RIC1: variants seen among roughly 807,000 people sequenced by gnomAD.
RIC1 encodes guanine nucleotide exchange factor subunit RIC1.
RIC1 carries 88 observed loss-of-function variants against 169.0 expected under a neutral mutation model. The observed-to-expected ratio is 0.52, with a 90% CI of 0.44 to 0.62. The LOEUF is 0.62. Among genes scored for constraint, RIC1 ranks in the 20% least tolerant of loss-of-function variants. The probability of loss-of-function intolerance (pLI) is 0.00; values close to 1 mark genes in which losing one functional copy is unlikely to be tolerated. For missense variants in RIC1, 1,877 were observed against 1,725.5 expected, an observed-to-expected ratio of 1.09 and a Z score of -1.56; for synonymous variants, 790 against 601.5, an observed-to-expected ratio of 1.31 and a Z score of -4.59.
intron 15 of RIC1, among the ~76,000 whole-genome samples, chr9:5,755,624 C>G (rs192908748): frequency 6.6e-6 from 1 of 152,084 alleles, no homozygotes; most frequent in Non-Finnish European, 1.5e-5. Context: ...TGTATCAGGT[C>G]TAAATCTGCA....
rs545353574 is a variant in RIC1, at chr9:5,722,093, G to C, written c.720+1343G>C. ...AGTAGAGACGGGGTTTCTCCCTGTT[G>C]GTCAGGCTGGTCTTGACCTACCAAC... is the stretch of plus-strand genomic sequence containing the variant. On this transcript the variant is annotated intron_variant, in intron 6 of 25. Transcript: ENST00000414202. Among the ~76,000 whole-genome samples the C allele has an allele frequency of 4.7e-4, 71 of 151,724 alleles. 1 individual carries two copies. Among genetic ancestry groups the C allele is most frequent in the South Asian group, 2.9e-3 (14 of 4,798 alleles).
At chr9:5,745,223 G>A (rs1395783708) in intron 10 of RIC1, among the ~76,000 whole-genome samples, 1 of 152,104 alleles carries the variant, frequency 6.6e-6, no homozygotes, top group Non-Finnish European at 1.5e-5. Flanking sequence ...AAACATAAAA[G>A]TTCTATTAAA....
intron 2 of RIC1, among the ~76,000 whole-genome samples, chr9:5,672,462 G>T (rs1186749471): frequency 6.6e-6 from 1 of 152,156 alleles, no homozygotes; most frequent in Non-Finnish European, 1.5e-5. Flanking sequence ...CAGATGAACT[G>T]ATAAATAACC....
At position 5,751,129 on chromosome 9, in the gene RIC1, C is replaced by T. The variant is rs373076444; in HGVS notation, c.1453-2071C>T. Among the ~76,000 whole-genome samples, 239 of 151,722 alleles carry T rather than the reference C, an allele frequency of 1.6e-3. 8 individuals are homozygous for T. Among genetic ancestry groups the T allele is most frequent in the African/African-American group, 5.6e-3 (229 of 41,086 alleles). On this transcript the variant is annotated intron_variant, in intron 12 of 25. Transcript: ENST00000414202. ...AGTAAGATCCCAGCTCCTCCATTAC[C>T]CACCCACACGTTTCATAAGTACTCA...
intron 6 of RIC1, among the ~76,000 whole-genome samples, chr9:5,723,007 C>T (rs1486191263): frequency 2.0e-5 from 3 of 152,218 alleles, no homozygotes; most frequent in Non-Finnish European, 4.4e-5. Context: ...AATAGTGCCA[C>T]AATAAACATA....
rs149227287 is a variant in RIC1, at chr9:5,656,448, G to A, written c.145-135G>A. 520 of 483,582 alleles carry A rather than the reference G, an allele frequency of 1.1e-3. 4 individuals are homozygous for A. The highest frequency in any genetic ancestry group is 8.9e-3 in the African/African-American group (457 of 51,304). The allele number at this position is 483,582 out of a possible 1,614,324, so 30.0% of individuals were successfully genotyped here. A position where few individuals can be genotyped will look rare whatever the true frequency, so the allele number is the denominator to read the frequency against. On this transcript the variant is annotated intron_variant, in intron 1 of 25. Coordinates refer to ENST00000414202, the MANE Select transcript of RIC1 (RefSeq NM_020829.4). Reference sequence around the variant, plus strand: ...TGATATGCTTGCAATGTTGAAAGCCGATAGTTTAATATCAATATTGTCTTT... The same window carrying A: ...TGATATGCTTGCAATGTTGAAAGCCAATAGTTTAATATCAATATTGTCTTT...
chr9:5,636,926 A>G (rs1817999074), intron 1 of RIC1, among the ~76,000 whole-genome samples: 1 of 152,202 alleles, frequency 6.6e-6, no homozygotes, highest in Non-Finnish European at 1.5e-5. Context: ...TGTACAAGGA[A>G]GATGTTTAAT....
intron 3 of RIC1, 81 bp from the exon 4 acceptor site, chr9:5,713,810 ATTTAC>A: frequency 1.3e-6 from 1 of 773,538 alleles, no homozygotes; most frequent in Admixed American, 2.4e-5. Flanking sequence ...GTTTTATTTC[ATTTAC>A]TTTATTTGAT....
At chr9:5,637,709 G>C (rs190190028) in intron 1 of RIC1, among the ~76,000 whole-genome samples, 1 of 152,228 alleles carries the variant, frequency 6.6e-6, no homozygotes, top group East Asian at 1.9e-4. Context: ...GAGAACATGC[G>C]ATGTTTGTCT....
intron 1 of RIC1, among the ~76,000 whole-genome samples, chr9:5,640,877 T>C (rs1419382120): frequency 6.6e-6 from 1 of 152,060 alleles, no homozygotes; most frequent in Non-Finnish European, 1.5e-5. Context: ...TGTTCTAAGG[T>C]AAATGCTTTT....
chr9:5,651,738 AT>A (rs143169988), intron 1 of RIC1, among the ~76,000 whole-genome samples: 10 of 148,952 alleles, frequency 6.7e-5, no homozygotes, highest in Non-Finnish European at 7.5e-5. Flanking sequence ...TAATTTTTGT[AT>A]TTTTTTTTAT....
At chr9:5,731,365 TAA>T (rs1824362703) in intron 6 of RIC1, among the ~76,000 whole-genome samples, 2 of 152,164 alleles carry the variant, frequency 1.3e-5, no homozygotes, top group East Asian at 1.9e-4. Context: ...TTATTAAAAT[TAA>T]AAGATACAAT....
intron 2 of RIC1, among the ~76,000 whole-genome samples, chr9:5,682,538 T>TGATG (rs1820919411): frequency 6.6e-6 from 1 of 152,222 alleles, no homozygotes; most frequent in African/African-American, 2.4e-5. Context: ...GCTGTTAGTC[T>TGATG]GATGGGCTTC....
chr9:5,727,398 T>C (rs7851354), intron 6 of RIC1, among the ~76,000 whole-genome samples: 67,662 of 152,128 alleles, frequency 0.44, 16,102 homozygotes, highest in East Asian at 0.86. Flanking sequence ...CACGTCATTT[T>C]AGGTCCTTGC....
At chr9:5,685,332 C>G (rs1206895265) in intron 2 of RIC1, among the ~76,000 whole-genome samples, 2 of 151,274 alleles carry the variant, frequency 1.3e-5, no homozygotes, top group African/African-American at 4.9e-5. Context: ...AATCCTAAGC[C>G]AAAAGAACAA....
Position 5,732,531 on chromosome 9 carries a change from G to GT in RIC1, c.812+52_812+53insT. 2.5e-6 allele frequency: 3 copies of GT among 1,213,082 alleles called. No individual in the cohort carries two copies. The South Asian group carries it at 4.3e-5, about 17-fold the overall frequency. 75.1% of individuals were successfully genotyped at this position (1,213,082 alleles called of 1,614,324 possible). A position where few individuals can be genotyped will look rare whatever the true frequency, so the allele number is the denominator to read the frequency against. On this transcript the variant is annotated intron_variant, in intron 7 of 25. Transcript: ENST00000414202. ...TTTAAGAGTTGTTGCAAAAAATACT[G>GT]GTTTTTTTTTTTGTAAACATAAGAT...
In RIC1 at chr9:5,763,883, CT is replaced by C; in HGVS notation, c.2841+17del. On this transcript the variant is annotated intron_variant, in intron 19 of 25. Coordinates refer to ENST00000414202, the MANE Select transcript of RIC1 (RefSeq NM_020829.4). This position sits in a 1 kb window ranked among gnomAD's most constrained non-coding sequence, Gnocchi z 5.2. ...TTATCTTACAGGTAACAATTCTCTT[CT>C]TATAAAGGGGCAAGAATTAATGAGC... The C allele has an allele frequency of 6.3e-7, 1 of 1,589,508 alleles. No homozygotes were observed. Among genetic ancestry groups the C allele is most frequent in the African/African-American group, 1.3e-5 (1 of 74,212 alleles).
At chr9:5,753,353 G>T in intron 13 of RIC1, 115 bp downstream of exon 13, 4 of 971,884 alleles carry the variant, frequency 4.1e-6, no homozygotes, top group South Asian at 2.7e-5. Flanking sequence ...TTGATCTATT[G>T]TAACATTGCT....
At chr9:5,668,852 T>C (rs1819933749) in intron 2 of RIC1, among the ~76,000 whole-genome samples, 1 of 152,184 alleles carries the variant, frequency 6.6e-6, no homozygotes, top group South Asian at 2.1e-4. Flanking sequence ...AGAGTGTTGA[T>C]TTAATGTCTC....
Sources: gnomAD v4.1 joint callset for allele counts (sites outside exome capture counted in the v4.1 genomes callset) on GRCh38, gnomAD v4.1.1 for gene constraint, Gnocchi (gnomAD v3.1) non-coding constraint, MANE v1.5 for transcripts, NCBI Gene and HGNC (gene_info 2026-07-23, HGNC 2026-07-21) for gene names.